Variants in CDCP1 observed in about 807,000 individuals in gnomAD.
CDCP1 encodes CUB domain-containing protein 1.
A neutral mutation model predicts 60.2 loss-of-function variants in CDCP1; 29 were observed. The ratio of observed to expected loss-of-function variants is 0.48; its 90% CI spans 0.36 to 0.66. The LOEUF is 0.66. CDCP1 is among the 30% of genes least tolerant of loss of function. The pLI is 0.00. For missense variants in CDCP1, 876 were observed against 1,074.3 expected (o/e 0.82, Z 2.58); for synonymous variants, 387 against 431.1 (o/e 0.90, Z 1.27).
chr3:45,138,313 G>A (rs957323792), intron 1 of CDCP1, among the ~76,000 whole-genome samples: 4 of 152,104 alleles, frequency 2.6e-5, no homozygotes, highest in Non-Finnish European at 5.9e-5. Flanking sequence ...CCCCAAAGTC[G>A]ACTGCACTGG....
chr3:45,113,054 A>C (rs1190969130), intron 2 of CDCP1, among the ~76,000 whole-genome samples: 2 of 152,198 alleles, frequency 1.3e-5, no homozygotes, highest in Non-Finnish European at 2.9e-5. Flanking sequence ...AGCCAGAAGG[A>C]AGGCATTTGT....
At chr3:45,093,193 C>A (rs1698326041) in intron 6 of CDCP1, 84 bp downstream of exon 6, 8 of 1,479,968 alleles carry the variant, frequency 5.4e-6, no homozygotes, top group Middle Eastern at 2.0e-4. Flanking sequence ...TCCAAACTGG[C>A]AACTTAATTA....
At chr3:45,118,011 T>C (rs1488431701) in intron 2 of CDCP1, among the ~76,000 whole-genome samples, 1 of 152,180 alleles carries the variant, frequency 6.6e-6, no homozygotes, top group African/African-American at 2.4e-5. Flanking sequence ...CAGATATTTT[T>C]AGCACACAGG....
intron 1 of CDCP1, among the ~76,000 whole-genome samples, chr3:45,126,150 C>CTTTCTT (rs754482287): frequency 1.4e-5 from 2 of 143,412 alleles, no homozygotes; most frequent in Non-Finnish European, 3.0e-5. Flanking sequence ...TTCTTTCTTT[C>CTTTCTT]TTTCTTTCTT....
At chr3:45,093,689 A>C (rs1698343727) in intron 5 of CDCP1, 32 bp from the exon 6 acceptor site, 1 of 1,580,710 alleles carries the variant, frequency 6.3e-7, no homozygotes, top group Non-Finnish European at 8.6e-7. Flanking sequence ...AGCCATGCAC[A>C]AAGGAGACCA....
chr3:45,133,276 C>G (rs959207725), intron 1 of CDCP1, among the ~76,000 whole-genome samples: 1 of 151,962 alleles, frequency 6.6e-6, no homozygotes, highest in African/African-American at 2.4e-5. Flanking sequence ...AGCCTGACAA[C>G]GTCTTGATCT....
At chr3:45,113,540 G>A (rs1457255746) in intron 2 of CDCP1, among the ~76,000 whole-genome samples, 5 of 152,094 alleles carry the variant, frequency 3.3e-5, no homozygotes, top group Non-Finnish European at 5.9e-5. Context: ...TGTTCTATTG[G>A]GGTATTTGAA....
chr3:45,091,648 C>T lies in CDCP1; in HGVS notation c.1628-110G>A. 1 of 1,325,966 alleles carries T rather than the reference C, an allele frequency of 7.5e-7. No homozygotes were observed. Among genetic ancestry groups the T allele is most frequent in the Non-Finnish European group, 1.0e-6 (1 of 997,034 alleles). The allele number at this position is 1,325,966 out of a possible 1,614,324, so 82.1% of individuals were successfully genotyped here. A position where few individuals can be genotyped will look rare whatever the true frequency, so the allele number is the denominator to read the frequency against. On this transcript the variant is annotated intron_variant, in intron 6 of 8. Transcript: ENST00000296129. The surrounding 1 kb of genome is among the most constrained non-coding windows in gnomAD (Gnocchi z 4.8). ...AACTGTCCAGACCAGCGCTGTCTAA[C>T]CGAACTTTCTGCGATGATGGAAATC...
chr3:45,134,226 A>C (rs747835699), intron 1 of CDCP1, among the ~76,000 whole-genome samples: 2 of 151,550 alleles, frequency 1.3e-5, no homozygotes, highest in African/African-American at 4.9e-5. Flanking sequence ...CGGGGTTCAC[A>C]TCATTCTCCT....
intron 7 of CDCP1, among the ~76,000 whole-genome samples, chr3:45,089,912 T>C (rs1399365494): frequency 6.6e-6 from 1 of 152,212 alleles, no homozygotes; most frequent in Non-Finnish European, 1.5e-5. Flanking sequence ...TCCTTTGTGC[T>C]GTCCTTTTCC....
intron 4 of CDCP1, among the ~76,000 whole-genome samples, chr3:45,102,070 T>C (rs1358816837): frequency 6.6e-6 from 1 of 152,126 alleles, no homozygotes; most frequent in Non-Finnish European, 1.5e-5. Context: ...ATACTGTTTT[T>C]ATTATCTTCA....
At chr3:45,094,203 T>C (rs1023104131) in intron 5 of CDCP1, among the ~76,000 whole-genome samples, 1 of 149,992 alleles carries the variant, frequency 6.7e-6, no homozygotes, top group Non-Finnish European at 1.5e-5. Flanking sequence ...GAGGTGGCTG[T>C]TGGTTTACTG....
At chr3:45,137,060 C>T (rs1482671409) in intron 1 of CDCP1, among the ~76,000 whole-genome samples, 1 of 152,110 alleles carries the variant, frequency 6.6e-6, no homozygotes, top group Non-Finnish European at 1.5e-5. Flanking sequence ...ATATGAAGCA[C>T]ACAATAAAGT....
At chr3:45,117,556 T>C (rs1477097386) in intron 2 of CDCP1, among the ~76,000 whole-genome samples, 7 of 151,940 alleles carry the variant, frequency 4.6e-5, no homozygotes, top group African/African-American at 1.4e-4. Context: ...TCTTCCACTG[T>C]GTCTTATGGA....
intron 2 of CDCP1, among the ~76,000 whole-genome samples, chr3:45,116,708 G>T (rs924712968): frequency 2.0e-5 from 3 of 152,134 alleles, no homozygotes; most frequent in Admixed American, 1.3e-4. Context: ...AAGTTTTATA[G>T]AACTCACTTG....
chr3:45,130,967 C>G (rs563650876), intron 1 of CDCP1, among the ~76,000 whole-genome samples: 3 of 152,024 alleles, frequency 2.0e-5, no homozygotes, highest in Non-Finnish European at 2.9e-5. Context: ...CCCGGGCTCA[C>G]GCAATCCGCC....
intron 1 of CDCP1, 27 bp from the exon 2 acceptor site, chr3:45,118,648 A>G (rs1698833311): frequency 6.2e-7 from 1 of 1,602,736 alleles, no homozygotes; most frequent in Non-Finnish European, 8.5e-7. Context: ...AAATGAAGTA[A>G]GCAGGATGAT....
rs186909031 is a variant in CDCP1, at chr3:45,120,954, C to T, written c.83-2333G>A. Among the ~76,000 whole-genome samples, 188 of 152,224 alleles carry T rather than the reference C, an allele frequency of 1.2e-3. 2 individuals are homozygous for T. The highest frequency in any genetic ancestry group is 1.5e-3 in the South Asian group (7 of 4,820). ...CCTCCTGAACCCTGCGCTTGATGTC[C>T]GTGAGCTCCTACAGGAGGCAGCAGG... On this transcript the variant is annotated intron_variant, in intron 1 of 8. Transcript: ENST00000296129.
At chr3:45,088,639 C>A (rs961078569) in intron 8 of CDCP1, among the ~76,000 whole-genome samples, 6 of 152,174 alleles carry the variant, frequency 3.9e-5, no homozygotes, top group Non-Finnish European at 8.8e-5. Context: ...TAAGAAACTG[C>A]AGGAGAACAA....
Sources: gnomAD v4.1 joint callset for allele counts (sites outside exome capture counted in the v4.1 genomes callset) on GRCh38, gnomAD v4.1.1 for gene constraint, Gnocchi (gnomAD v3.1) non-coding constraint, MANE v1.5 for transcripts, NCBI Gene and HGNC (gene_info 2026-07-23, HGNC 2026-07-21) for gene names.